Variants in MTUS1 observed in about 807,000 individuals in gnomAD.
MTUS1 encodes the protein microtubule associated scaffold protein 1.
Under a neutral mutation model 120.8 loss-of-function variants are expected in MTUS1, and 109 were observed. The ratio of observed to expected loss-of-function variants is 0.90; its 90% CI spans 0.77 to 1.06. MTUS1 has a LOEUF of 1.06. Among genes scored for constraint, MTUS1 ranks in the 50% least tolerant of loss-of-function variants. The pLI is 0.00. For missense variants in MTUS1, 2,210 were observed against 1,486.3 expected, an observed-to-expected ratio of 1.49 and a Z score of -8.01; for synonymous variants, 737 against 550.5, an observed-to-expected ratio of 1.34 and a Z score of -4.74.
intron 4 of MTUS1, among the ~76,000 whole-genome samples, chr8:17,718,703 G>A (rs201413615): frequency 6.6e-6 from 1 of 151,756 alleles, no homozygotes; most frequent in East Asian, 1.9e-4. Flanking sequence ...GTCATCTTTG[G>A]TCCCAACTGT....
intron 1 of MTUS1, among the ~76,000 whole-genome samples, chr8:17,793,150 G>C (rs1384580021): frequency 3.3e-5 from 5 of 152,204 alleles, no homozygotes; most frequent in South Asian, 4.1e-4. Context: ...TGCACGAATA[G>C]GGAATGTCAT....
At chr8:17,655,747 C>T (rs1808068205) in intron 9 of MTUS1, 116 bp downstream of exon 9, 2 of 884,800 alleles carry the variant, frequency 2.3e-6, no homozygotes, top group Non-Finnish European at 1.8e-6. Context: ...ACAACAACAA[C>T]ATGCTTTTTA....
intron 8 of MTUS1, among the ~76,000 whole-genome samples, chr8:17,664,858 C>T (rs922955315): frequency 6.6e-6 from 1 of 152,008 alleles, no homozygotes; most frequent in Non-Finnish European, 1.5e-5. Context: ...GAACAAGTAA[C>T]CAAGAAGTCA....
intron 4 of MTUS1, chr8:17,721,609 A>G (rs2045848284): frequency 7.4e-7 from 1 of 1,358,792 alleles, no homozygotes; most frequent in Non-Finnish European, 9.8e-7. Flanking sequence ...ATTACCATAA[A>G]TTACAAGTTA....
chr8:17,700,635 G>A (rs1369295904), intron 6 of MTUS1, among the ~76,000 whole-genome samples: 1 of 151,954 alleles, frequency 6.6e-6, no homozygotes, highest in African/African-American at 2.4e-5. Flanking sequence ...GCTCTGGGAG[G>A]TAGAAGAGGG....
chr8:17,779,570 C>A (rs1032450014), intron 1 of MTUS1, among the ~76,000 whole-genome samples: 2 of 152,066 alleles, frequency 1.3e-5, no homozygotes, highest in Non-Finnish European at 2.9e-5. Context: ...ATGATAATGA[C>A]ACTCACTCAC....
At chr8:17,742,297 T>TTTTTTTTTTTTTTTTTTTTTG (rs2047393167) in intron 3 of MTUS1, among the ~76,000 whole-genome samples, 1 of 142,240 alleles carries the variant, frequency 7.0e-6, no homozygotes, top group African/African-American at 2.7e-5. Context: ...TGTTGTTTTT[T>TTTTTTTTTTTTTTTTTTTTTG]TTTTTTTTTT....
chr8:17,693,316 C>T (rs1199493335), intron 6 of MTUS1: 1 of 152,206 alleles, frequency 6.6e-6, no homozygotes, highest in Non-Finnish European at 1.5e-5. Context: ...TAATGTCCTG[C>T]AACATCACGC....
At chr8:17,658,381 T>C (rs975068823) in intron 8 of MTUS1, among the ~76,000 whole-genome samples, 3 of 152,176 alleles carry the variant, frequency 2.0e-5, no homozygotes, top group Non-Finnish European at 2.9e-5. Context: ...CTACCAAAAA[T>C]AGAATGACTA....
chr8:17,679,348 TGCGCGC>T (rs71848132), intron 7 of MTUS1, among the ~76,000 whole-genome samples: 1 of 139,816 alleles, frequency 7.2e-6, no homozygotes, highest in Non-Finnish European at 1.5e-5. Flanking sequence ...TATGCATGTG[TGCGCGC>T]GCGTGTGTGT....
At chr8:17,724,383 A>C (rs934221532) in intron 3 of MTUS1, among the ~76,000 whole-genome samples, 2 of 152,210 alleles carry the variant, frequency 1.3e-5, no homozygotes, top group African/African-American at 4.8e-5. Flanking sequence ...CTGAGTGGAA[A>C]ATTTTAAAAT....
chr8:17,659,044 C>G (rs549423643), intron 8 of MTUS1, among the ~76,000 whole-genome samples: 1 of 152,256 alleles, frequency 6.6e-6, no homozygotes, highest in Non-Finnish European at 1.5e-5. Flanking sequence ...GTTTAACCCT[C>G]ACAGAGGACC....
intron 4 of MTUS1, among the ~76,000 whole-genome samples, chr8:17,719,127 G>A (rs953114484): frequency 6.6e-5 from 10 of 151,860 alleles, no homozygotes; most frequent in African/African-American, 2.2e-4. Context: ...CCGAGATCGT[G>A]CCACTGCACT....
chr8:17,771,630 A>T (rs566993108), intron 1 of MTUS1, among the ~76,000 whole-genome samples: 1 of 152,346 alleles, frequency 6.6e-6, no homozygotes, highest in East Asian at 1.9e-4. Flanking sequence ...CAGACACCTG[A>T]AATGCATGCC....
intron 7 of MTUS1, among the ~76,000 whole-genome samples, chr8:17,677,082 G>C (rs774531083): frequency 2.0e-5 from 3 of 152,094 alleles, no homozygotes; most frequent in Non-Finnish European, 4.4e-5. Context: ...TAAATGCTTG[G>C]TTTTTAAAAA....
chr8:17,792,692 T>C (rs1392198042), intron 1 of MTUS1, among the ~76,000 whole-genome samples: 1 of 152,214 alleles, frequency 6.6e-6, no homozygotes, highest in Admixed American at 6.5e-5. Flanking sequence ...GGGGAAATTC[T>C]GTCTCTACCA....
intron 4 of MTUS1, chr8:17,721,858 A>G (rs998966589): frequency 1.9e-6 from 3 of 1,614,128 alleles, no homozygotes; most frequent in Non-Finnish European, 2.5e-6. Flanking sequence ...TTTTGAAGAA[A>G]TATCAGTTTC....
intron 6 of MTUS1, among the ~76,000 whole-genome samples, chr8:17,701,469 AAG>A (rs1171950069): frequency 1.3e-5 from 2 of 152,248 alleles, no homozygotes; most frequent in Admixed American, 6.5e-5. Context: ...TAAGCAAAAT[AAG>A]AGTTTAAATT....
chr8:17,653,376 AATG>A (rs747573093), intron 11 of MTUS1, 46 bp downstream of exon 11: 4 of 1,543,846 alleles, frequency 2.6e-6, no homozygotes, highest in Non-Finnish European at 3.5e-6. Context: ...CAAAATCAAA[AATG>A]ATATTTTTTT....
Sources: gnomAD v4.1 joint callset for allele counts (sites outside exome capture counted in the v4.1 genomes callset) on GRCh38, gnomAD v4.1.1 for gene constraint, MANE v1.5 for transcripts, NCBI Gene and HGNC (gene_info 2026-07-23, HGNC 2026-07-21) for gene names.